The following SHLD1 variants were observed in gnomAD, a reference collection of about 807,000 sequenced individuals.
SHLD1 encodes the protein RINN1-REV7-interacting novel NHEJ regulator 3.
A neutral mutation model predicts 5.5 loss-of-function variants in SHLD1; 3 were observed. That is an observed-to-expected ratio of 0.54 (90% CI 0.25 to 1.40). The LOEUF (loss-of-function observed/expected upper bound fraction) is 1.40. Ranked by LOEUF, SHLD1 falls within the 40% of genes most tolerant of loss-of-function variation. The pLI is 0.15. For missense variants in SHLD1, 210 were observed against 244.4 expected (o/e 0.86, Z 0.94); for synonymous variants, 92 against 94.3 (o/e 0.98, Z 0.14).
chr20:5,838,402 A>C (rs1188291609), intron 2 of SHLD1, among the ~76,000 whole-genome samples: 3 of 152,256 alleles, frequency 2.0e-5, no homozygotes, highest in Non-Finnish European at 2.9e-5. Context: ...TTTTAGTCTC[A>C]TCTGACTTTT....
At position 5,787,993 on chromosome 20, in the gene SHLD1, T is replaced by C. The variant is rs143761310; in HGVS notation, c.178+14950T>C. Among the ~76,000 whole-genome samples the C allele has an allele frequency of 5.9e-3, 898 of 152,304 alleles. 9 individuals are homozygous for C. The highest frequency in any genetic ancestry group is 0.021 in the African/African-American group (871 of 41,568). On this transcript the variant is annotated intron_variant, in intron 2 of 2. Coordinates refer to ENST00000303142, the MANE Select transcript of SHLD1 (RefSeq NM_152504.4). ...AGAGAAATGAACAGCTGTAAGGAGA[T>C]ATAGTGCTACTGAGAATAGAATGTT...
Position 5,863,099 on chromosome 20 carries a change from G to A in SHLD1, c.254G>A (p.Gly85Asp). Residue 85 changes from glycine (G) to aspartate (D), a missense_variant, in exon 3 of 3, where the codon GGC becomes GAC. Transcript: ENST00000303142. ...TTCTGGCTTGACCCTGCTGTGAAAG[G>A]CCAGTCAGAGAAGGAAGAGGATGAT... ...ENFWLDPAVK[G>D]QSEKEEDDGL... 6.2e-7 allele frequency: 1 copy of A among 1,614,156 alleles called. No homozygotes were observed. The highest frequency in any genetic ancestry group is 8.5e-7 in the Non-Finnish European group (1 of 1,180,022).
chr20:5,797,223 A>G (rs2087226165), intron 2 of SHLD1, among the ~76,000 whole-genome samples: 1 of 152,136 alleles, frequency 6.6e-6, no homozygotes, highest in South Asian at 2.1e-4. Context: ...GGAGCAAGGG[A>G]GTGATTAGTA....
At chr20:5,808,997 T>C (rs2087421838) in intron 2 of SHLD1, among the ~76,000 whole-genome samples, 1 of 152,146 alleles carries the variant, frequency 6.6e-6, no homozygotes, top group Admixed American at 6.5e-5. Flanking sequence ...GGGGTGGCAT[T>C]TTTTATGAGT....
At chr20:5,760,399 G>C (rs536933701) in intron 1 of SHLD1, among the ~76,000 whole-genome samples, 2 of 152,008 alleles carry the variant, frequency 1.3e-5, no homozygotes, top group South Asian at 4.2e-4. Flanking sequence ...TGTGAATTAA[G>C]GACCAAGATG....
At chr20:5,832,330 C>T (rs2087738766) in intron 2 of SHLD1, among the ~76,000 whole-genome samples, 1 of 152,194 alleles carries the variant, frequency 6.6e-6, no homozygotes, top group African/African-American at 2.4e-5. Flanking sequence ...TGGAACTGCA[C>T]GTGTTGCCAC....
In SHLD1 at chr20:5,843,641, G is replaced by A. The variant is rs2087894004; in HGVS notation, c.179-19383G>A. Among the ~76,000 whole-genome samples the A allele has an allele frequency of 2.0e-5, 3 of 152,126 alleles. No homozygotes were observed. In the South Asian group the frequency reaches 6.2e-4, roughly 32 times the overall value. On this transcript the variant is annotated intron_variant, in intron 2 of 2. Coordinates refer to ENST00000303142, the MANE Select transcript of SHLD1 (RefSeq NM_152504.4). ...CTCTCAGAACTTCTATTCTCATTTT[G>A]CTTTTGGTCTGTACAGGCTTTCCTT... is the stretch of plus-strand genomic sequence containing the variant.
At chr20:5,788,519 A>G (rs1454273460) in intron 2 of SHLD1, among the ~76,000 whole-genome samples, 1 of 152,222 alleles carries the variant, frequency 6.6e-6, no homozygotes, top group Non-Finnish European at 1.5e-5. Flanking sequence ...AGTTCTTGCT[A>G]TCAGACAGTG....
intron 2 of SHLD1, among the ~76,000 whole-genome samples, chr20:5,787,688 G>A (rs903776648): frequency 1.3e-5 from 2 of 152,198 alleles, no homozygotes; most frequent in Admixed American, 6.5e-5. Context: ...TAGGTGCTCA[G>A]TAAAGGCTGG....
intron 1 of SHLD1, among the ~76,000 whole-genome samples, chr20:5,760,032 G>T (rs1984371371): frequency 6.6e-6 from 1 of 151,696 alleles, no homozygotes; most frequent in Admixed American, 6.6e-5. Context: ...ATCTATATTT[G>T]ACAGTATATT....
intron 2 of SHLD1, among the ~76,000 whole-genome samples, chr20:5,796,828 CA>C (rs2087219569): frequency 7.6e-6 from 1 of 131,080 alleles, no homozygotes; most frequent in East Asian, 2.2e-4. Flanking sequence ...GACCCTGTCT[CA>C]GAAAAAAAAA....
chr20:5,807,034 T>C (rs980042475), intron 2 of SHLD1, among the ~76,000 whole-genome samples: 8 of 152,236 alleles, frequency 5.3e-5, no homozygotes, highest in African/African-American at 1.2e-4. Context: ...GCCAGGCCCA[T>C]GCCCACTGCT....
At chr20:5,764,139 A>G (rs60433587) in intron 1 of SHLD1, among the ~76,000 whole-genome samples, 1 of 95,714 alleles carries the variant, frequency 1.0e-5, no homozygotes, top group African/African-American at 4.8e-5. Flanking sequence ...AAAAAAAAAA[A>G]ATATATATAT....
At chr20:5,808,172 C>T (rs1030142873) in intron 2 of SHLD1, among the ~76,000 whole-genome samples, 2 of 151,638 alleles carry the variant, frequency 1.3e-5, no homozygotes, top group African/African-American at 2.4e-5. Flanking sequence ...TCCAGCCACT[C>T]GAGAGGCTGA....
intron 2 of SHLD1, among the ~76,000 whole-genome samples, chr20:5,808,838 C>T (rs994739599): frequency 1.3e-5 from 2 of 152,166 alleles, no homozygotes; most frequent in Non-Finnish European, 2.9e-5. Context: ...AACAAAAGAT[C>T]GCCTTTATTT....
intron 1 of SHLD1, among the ~76,000 whole-genome samples, chr20:5,759,387 G>A (rs1156240184): frequency 3.3e-5 from 5 of 151,974 alleles, no homozygotes; most frequent in African/African-American, 4.8e-5. Flanking sequence ...AGCCTCTCCA[G>A]TAGCTGGGAT....
intron 2 of SHLD1, among the ~76,000 whole-genome samples, chr20:5,846,449 G>A (rs955927106): frequency 6.6e-6 from 1 of 152,192 alleles, no homozygotes; most frequent in African/African-American, 2.4e-5. Flanking sequence ...AATCAAAATA[G>A]CAATGTTGCC....
intron 2 of SHLD1, among the ~76,000 whole-genome samples, chr20:5,779,859 G>A (rs898347850): frequency 1.5e-4 from 23 of 152,164 alleles, no homozygotes; most frequent in South Asian, 6.2e-4. Context: ...GCTTACAGCT[G>A]AATGGGGGGT....
At chr20:5,812,852 C>T (rs34202573) in intron 2 of SHLD1, among the ~76,000 whole-genome samples, 53,799 of 151,788 alleles carry the variant, frequency 0.35, 11,261 homozygotes, top group Non-Finnish European at 0.47. Flanking sequence ...GGCTCTCCCT[C>T]TCTTTAAGGG....
Sources: allele counts gnomAD v4.1 joint callset (sites outside exome capture counted in the v4.1 genomes callset), GRCh38; gene constraint gnomAD v4.1.1; transcripts MANE v1.5; gene names NCBI Gene and HGNC (gene_info 2026-07-23, HGNC 2026-07-21).